OSBPL8: variants seen among roughly 807,000 people sequenced by gnomAD.
The protein encoded by OSBPL8 is oxysterol binding protein like 8, also known as oxysterol-binding protein-related protein 8.
Under a neutral mutation model 125.5 loss-of-function variants are expected in OSBPL8, and 59 were observed. The ratio of observed to expected loss-of-function variants is 0.47; its 90% CI spans 0.38 to 0.58. The LOEUF is 0.58. Ranked by LOEUF, OSBPL8 falls within the 20% of genes least tolerant of loss-of-function variation. OSBPL8 has a pLI of 0.00. For synonymous variants in OSBPL8, 330 were observed against 338.9 expected (o/e 0.97, Z 0.29); for missense variants, 758 against 1,047.8 (o/e 0.72, Z 3.82).
rs1882050120 is a variant in OSBPL8 at position 76,521,393 on chromosome 12, G to A, written c.-67-33775C>T. Among the ~76,000 whole-genome samples the A allele has an allele frequency of 2.0e-5, 3 of 152,118 alleles. No homozygotes were observed. The South Asian group carries it at 6.2e-4, about 32-fold the overall frequency. On this transcript the variant is annotated intron_variant, in intron 1 of 23. Transcript: ENST00000261183. Reference sequence around the variant, plus strand: ...CAGCCACTGCGGAAAACAGTATGACGGTTCCTCAAAAGATTAAAAAACAGA... The same window carrying A: ...CAGCCACTGCGGAAAACAGTATGACAGTTCCTCAAAAGATTAAAAAACAGA...
At chr12:76,490,815 C>G (rs760372217) in intron 1 of OSBPL8, among the ~76,000 whole-genome samples, 1 of 152,232 alleles carries the variant, frequency 6.6e-6, no homozygotes, top group Non-Finnish European at 1.5e-5. Flanking sequence ...CACCCACAGA[C>G]AGCAGAGCTA....
At chr12:76,421,783 T>C (rs1869514632) in intron 4 of OSBPL8, among the ~76,000 whole-genome samples, 3 of 152,056 alleles carry the variant, frequency 2.0e-5, no homozygotes, top group Admixed American at 1.3e-4. Flanking sequence ...TTTAAACATA[T>C]TCAAATATTT....
intron 21 of OSBPL8, among the ~76,000 whole-genome samples, chr12:76,368,868 AG>A (rs1022249110): frequency 3.8e-4 from 58 of 152,242 alleles, no homozygotes; most frequent in African/African-American, 1.4e-3. Context: ...TTCTGGAACT[AG>A]GGACTTACAC....
rs1951890774 is a variant in OSBPL8, at chr12:76,353,527, G to A, written c.*2362C>T. 6.6e-6 allele frequency: 1 copy of A among 151,930 alleles called. No homozygotes were observed. Among genetic ancestry groups the A allele is most frequent in the Non-Finnish European group, 1.5e-5 (1 of 67,792 alleles). The allele number at this position is 151,930 out of a possible 1,614,324, so 9.4% of individuals were successfully genotyped here. On this transcript the variant is annotated 3_prime_UTR_variant, in exon 24 of 24. Transcript: ENST00000261183. ...TCTCAGACAACTGGGAACCGTTTACGGTCCATGTGTGAAGGAAGATTAATT... is the reference window on the plus strand; with the variant it reads ...TCTCAGACAACTGGGAACCGTTTACAGTCCATGTGTGAAGGAAGATTAATT...
At chr12:76,444,266 A>G (rs1872525341) in intron 4 of OSBPL8, among the ~76,000 whole-genome samples, 1 of 152,208 alleles carries the variant, frequency 6.6e-6, no homozygotes, top group Non-Finnish European at 1.5e-5. Context: ...AATGTAATTT[A>G]AGGCATTTAA....
At position 76,354,610 on chromosome 12, in the gene OSBPL8, C is replaced by T. The variant is rs1022915390; in HGVS notation, c.*1279G>A. The T allele has an allele frequency of 2.0e-5, 3 of 151,800 alleles. No individual in the cohort carries two copies. Among genetic ancestry groups the T allele is most frequent in the Non-Finnish European group, 4.4e-5 (3 of 67,832 alleles). The allele number at this position is 151,800 out of a possible 1,614,324, so 9.4% of individuals were successfully genotyped here. On this transcript the variant is annotated 3_prime_UTR_variant, in exon 24 of 24. Coordinates refer to ENST00000261183, the MANE Select transcript of OSBPL8 (RefSeq NM_020841.5). ...TAGAACAACATATTCCTAAACTGAACTACCTTGGCAAAAATTGCTTTCAAG... is the reference window on the plus strand; with the variant it reads ...TAGAACAACATATTCCTAAACTGAATTACCTTGGCAAAAATTGCTTTCAAG...
chr12:76,463,651 T>G (rs534200368), intron 2 of OSBPL8, among the ~76,000 whole-genome samples: 1 of 152,194 alleles, frequency 6.6e-6, no homozygotes, highest in East Asian at 1.9e-4. Context: ...AGAATCACAC[T>G]CAAGCACTGC....
chr12:76,356,688 T>C lies in OSBPL8; in HGVS notation c.2475A>G (p.Ile825Met), dbSNP rs554339513. 3 of 1,610,262 alleles carry C rather than the reference T, an allele frequency of 1.9e-6. No individual in the cohort carries two copies. Among genetic ancestry groups the C allele is most frequent in the Admixed American group, 3.4e-5 (2 of 59,674 alleles). The change falls in exon 23 of 24, where the codon ATA (isoleucine) becomes ATG (methionine). Residue 825 changes from isoleucine (I) to methionine (M), a missense_variant. Ile to Met is a conservative substitution (Grantham distance 10). Coordinates refer to ENST00000261183, the MANE Select transcript of OSBPL8 (RefSeq NM_020841.5). ...VKPSTRRKKG[I>M]ELGDIQSSIE... Reference sequence around the variant, plus strand: ...TGGAACTCTGAATGTCTCCCAGTTCTATTCCTTTCTTTCTTCTTGTACTTG... The same window carrying C: ...TGGAACTCTGAATGTCTCCCAGTTCCATTCCTTTCTTTCTTCTTGTACTTG...
intron 1 of OSBPL8, among the ~76,000 whole-genome samples, chr12:76,523,738 C>T (rs1301056114): frequency 1.3e-5 from 2 of 152,196 alleles, no homozygotes; most frequent in African/African-American, 4.8e-5. Context: ...ACCCTGCTCT[C>T]AGACTTTCCA....
chr12:76,550,605 AT>A (rs1348735781), intron 1 of OSBPL8, among the ~76,000 whole-genome samples: 15 of 152,182 alleles, frequency 9.9e-5, no homozygotes, highest in Admixed American at 5.2e-4. Flanking sequence ...AAACAAAAAA[AT>A]CTCCTTATGT....
At position 76,355,624 on chromosome 12, in the gene OSBPL8, T is replaced by A. The variant is rs1223271016; in HGVS notation, c.*265A>T. The A allele has an allele frequency of 1.2e-5, 4 of 321,046 alleles. No individual in the cohort carries two copies. The highest frequency in any genetic ancestry group is 2.2e-5 in the African/African-American group (1 of 45,878). The allele number at this position is 321,046 out of a possible 1,614,324, so 19.9% of individuals were successfully genotyped here. ...GAGACAATTGTGTATACATGTGGGT[T>A]TATTATACTCATATGTAGACACATT... On this transcript the variant is annotated 3_prime_UTR_variant, in exon 24 of 24. Coordinates refer to ENST00000261183, the MANE Select transcript of OSBPL8 (RefSeq NM_020841.5).
intron 1 of OSBPL8, among the ~76,000 whole-genome samples, 180 bp from the exon 2 acceptor site, chr12:76,487,798 A>G (rs1056271461): frequency 6.6e-6 from 1 of 152,212 alleles, no homozygotes; most frequent in African/African-American, 2.4e-5. Context: ...AAAATGAAAG[A>G]AGAAAAAAAT....
At chr12:76,433,515 T>C (rs776078594) in intron 4 of OSBPL8, among the ~76,000 whole-genome samples, 3 of 151,904 alleles carry the variant, frequency 2.0e-5, no homozygotes, top group Non-Finnish European at 4.4e-5. Flanking sequence ...ATTTATACAC[T>C]GAAAATTAAT....
intron 4 of OSBPL8, among the ~76,000 whole-genome samples, chr12:76,415,181 T>C (rs1433129458): frequency 3.3e-5 from 5 of 152,174 alleles, no homozygotes; most frequent in Admixed American, 3.3e-4. Flanking sequence ...TAACGGTTGG[T>C]AGAACTCGGT....
intron 21 of OSBPL8, among the ~76,000 whole-genome samples, chr12:76,367,825 T>G (rs1053066053): frequency 3.3e-5 from 5 of 152,234 alleles, no homozygotes; most frequent in Admixed American, 2.6e-4. Context: ...ATAAAAACTT[T>G]CCTCCTATAC....
intron 4 of OSBPL8, among the ~76,000 whole-genome samples, chr12:76,411,773 T>C (rs1053628611): frequency 1.3e-5 from 2 of 152,112 alleles, no homozygotes; most frequent in East Asian, 1.9e-4. Context: ...AGTTAGTGAT[T>C]TGGGGTAGTG....
At chr12:76,414,450 GTTTTTTTT>G (rs35085467) in intron 4 of OSBPL8, among the ~76,000 whole-genome samples, 3 of 120,492 alleles carry the variant, frequency 2.5e-5, no homozygotes, top group Non-Finnish European at 3.4e-5. Context: ...TATTTTTCTG[GTTTTTTTT>G]TTTTTTTTTT....
rs1217863709 is a variant in OSBPL8 at position 76,390,289 on chromosome 12, T to A, written c.1167+131A>T. 1.5e-5 allele frequency: 10 copies of A among 660,226 alleles called. No individual in the cohort carries two copies. In the African/African-American group the frequency reaches 1.6e-4, roughly 11 times the overall value. 40.9% of individuals were successfully genotyped at this position (660,226 alleles called of 1,614,324 possible). A position where few individuals can be genotyped will look rare whatever the true frequency, so the allele number is the denominator to read the frequency against. ...TAAATCCCAATATATTTCATATGTA[T>A]GCAATTTTTAAAATATCACATTCTA... On this transcript the variant is annotated intron_variant, in intron 11 of 23. Transcript: ENST00000261183.
chr12:76,544,374 T>C (rs1232279498), intron 1 of OSBPL8, among the ~76,000 whole-genome samples: 3 of 152,152 alleles, frequency 2.0e-5, no homozygotes, highest in Non-Finnish European at 4.4e-5. Flanking sequence ...ATATAATTTG[T>C]CACCACAGAA....
Sources: allele counts gnomAD v4.1 joint callset (sites outside exome capture counted in the v4.1 genomes callset), GRCh38; gene constraint gnomAD v4.1.1; transcripts MANE v1.5; gene names NCBI Gene and HGNC (gene_info 2026-07-23, HGNC 2026-07-21).